NRXN3: variants seen among roughly 807,000 people sequenced by gnomAD.
NRXN3 encodes neurexin 3.
In NRXN3, 32 loss-of-function variants were observed where a neutral mutation model predicts 137.6. The ratio of observed to expected loss-of-function variants is 0.23; its 90% confidence interval spans 0.18 to 0.31. The LOEUF is 0.31. Among genes scored for constraint, NRXN3 ranks in the 10% least tolerant of loss-of-function variants. The probability of loss-of-function intolerance (pLI) is 1.00; values close to 1 mark genes in which losing one functional copy is unlikely to be tolerated. For missense variants in NRXN3, 1,574 were observed against 2,062.5 expected (o/e 0.76, Z 4.59); for synonymous variants, 798 against 784.5 (o/e 1.02, Z -0.29).
intron 3 of NRXN3, among the ~76,000 whole-genome samples, chr14:78,286,330 A>G: frequency 6.6e-6 from 1 of 152,200 alleles, no homozygotes; most frequent in South Asian, 2.1e-4. Flanking sequence ...GCTGCTCAAA[A>G]TGTCATTGAT....
intron 4 of NRXN3, among the ~76,000 whole-genome samples, chr14:78,513,763 G>A (rs2153792326): frequency 6.6e-6 from 1 of 152,172 alleles, no homozygotes; most frequent in African/African-American, 2.4e-5. Flanking sequence ...CAAATACCTG[G>A]TGTTCAGGAT....
intron 15 of NRXN3, among the ~76,000 whole-genome samples, chr14:79,408,956 C>T (rs2095364159): frequency 6.6e-6 from 1 of 151,950 alleles, no homozygotes; most frequent in South Asian, 2.1e-4. Flanking sequence ...TTTAAAAGCA[C>T]TCCTACTGGC....
At chr14:79,535,364 T>G (rs2097202168) in intron 16 of NRXN3, among the ~76,000 whole-genome samples, 1 of 152,204 alleles carries the variant, frequency 6.6e-6, no homozygotes, top group African/African-American at 2.4e-5. Flanking sequence ...AGAATGAGTG[T>G]GTTGTGAGTG....
intron 16 of NRXN3, among the ~76,000 whole-genome samples, chr14:79,542,195 G>T (rs990385580): frequency 6.6e-6 from 1 of 152,192 alleles, no homozygotes; most frequent in African/African-American, 2.4e-5. Flanking sequence ...CTGTGACATT[G>T]CTCATGTGCA....
At chr14:79,187,804 C>T (rs528293551) in intron 15 of NRXN3, among the ~76,000 whole-genome samples, 1 of 152,236 alleles carries the variant, frequency 6.6e-6, no homozygotes, top group Non-Finnish European at 1.5e-5. Flanking sequence ...TTGGATGAGA[C>T]GGAAGATGCT....
In NRXN3 at chr14:79,861,703, C is replaced by A; in HGVS notation, c.4455C>A (p.Ala1485=). 6.2e-7 allele frequency: 1 copy of A among 1,614,082 alleles called. No homozygotes were observed. Among genetic ancestry groups the A allele is most frequent in the Non-Finnish European group, 8.5e-7 (1 of 1,179,988 alleles). ...CGGGAATCAGACGGGTTCCGGGGGC[C>A]TCAGAGGTGATCCGGGAGTCGAGCA... ...TEPGIRRVPG[A]SEVIRESSST... Residue 1485 remains alanine (A), a synonymous_variant, in exon 21 of 21, where the codon GCC becomes GCA. Coordinates refer to ENST00000335750, the MANE Select transcript of NRXN3 (RefSeq NM_001330195.2). The surrounding 1 kb of genome is among the most constrained non-coding windows in gnomAD (Gnocchi z 5.4).
intron 16 of NRXN3, among the ~76,000 whole-genome samples, chr14:79,624,705 T>G (rs1253184380): frequency 6.6e-6 from 1 of 152,058 alleles, no homozygotes. Flanking sequence ...TAACCAACTT[T>G]CTACTCTGTG....
chr14:78,719,834 C>T (rs1275856530), intron 8 of NRXN3, among the ~76,000 whole-genome samples: 1 of 151,688 alleles, frequency 6.6e-6, no homozygotes. Context: ...AGAGTGACTC[C>T]GTCTCAAGAA....
chr14:79,269,265 T>G lies in NRXN3; in HGVS notation c.3263-197956T>G, dbSNP rs759622373. On this transcript the variant is annotated intron_variant, in intron 15 of 20. Transcript: ENST00000335750. ...GGGGTTTCACCATGTTAGCCAGGAT[T>G]GTCTCGATCTCCTGACCTTGTGATC... 1.6e-4 allele frequency among the ~76,000 whole-genome samples: 25 copies of G among 152,154 alleles called. No individual in the cohort carries two copies. The East Asian group carries it at 1.7e-3, about 11-fold the overall frequency.
intron 16 of NRXN3, among the ~76,000 whole-genome samples, chr14:79,619,489 C>T (rs1309912459): frequency 2.0e-5 from 3 of 151,870 alleles, no homozygotes; most frequent in South Asian, 4.1e-4. Context: ...TGCTTGTGAC[C>T]ATGAGATTTT....
intron 15 of NRXN3, among the ~76,000 whole-genome samples, chr14:79,248,215 G>A (rs1486940933): frequency 1.3e-5 from 2 of 152,260 alleles, no homozygotes; most frequent in Middle Eastern, 3.4e-3. Context: ...CAATACAAAT[G>A]TGTTATGATT....
intron 4 of NRXN3, among the ~76,000 whole-genome samples, chr14:78,469,074 T>C (rs539444725): frequency 1.3e-5 from 2 of 152,190 alleles, no homozygotes; most frequent in South Asian, 2.1e-4. Context: ...GGAGAAACCT[T>C]CTCCACCTAG....
At chr14:79,768,425 T>C (rs1282500984) in intron 19 of NRXN3, among the ~76,000 whole-genome samples, 2 of 152,208 alleles carry the variant, frequency 1.3e-5, no homozygotes, top group Admixed American at 6.5e-5. Context: ...GCTGGAGATC[T>C]GAGAACGGGC....
chr14:78,359,733 T>C (rs2084845520), intron 4 of NRXN3, among the ~76,000 whole-genome samples: 1 of 152,174 alleles, frequency 6.6e-6, no homozygotes, highest in African/African-American at 2.4e-5. Flanking sequence ...AAGATAGTTG[T>C]TAACCTTGCT....
chr14:79,256,191 T>TCACA (rs796426390), intron 15 of NRXN3, among the ~76,000 whole-genome samples: 2 of 150,320 alleles, frequency 1.3e-5, no homozygotes, highest in South Asian at 2.1e-4. Flanking sequence ...TCTCTCTCTC[T>TCACA]CACACACACA....
intron 4 of NRXN3, among the ~76,000 whole-genome samples, chr14:78,349,779 CAAAT>C (rs1030897681): frequency 4.6e-5 from 7 of 152,302 alleles, no homozygotes; most frequent in Middle Eastern, 3.4e-3. Context: ...TAGTCATTGT[CAAAT>C]GAATGAATAA....
At chr14:79,526,873 T>A (rs1281576058) in intron 16 of NRXN3, among the ~76,000 whole-genome samples, 2 of 152,134 alleles carry the variant, frequency 1.3e-5, no homozygotes, top group South Asian at 2.1e-4. Flanking sequence ...AAAAGCCTCC[T>A]GGGAGGGTAG....
At chr14:78,882,565 C>G (rs911566326) in intron 10 of NRXN3, among the ~76,000 whole-genome samples, 1 of 151,698 alleles carries the variant, frequency 6.6e-6, no homozygotes, top group African/African-American at 2.4e-5. Flanking sequence ...TTGCATGAGG[C>G]CTGTAGCCTC....
rs190122808 is a variant in NRXN3, at chr14:79,737,298, A to T, written c.4014+39361A>T. On this transcript the variant is annotated intron_variant, in intron 19 of 20. Coordinates refer to ENST00000335750, the MANE Select transcript of NRXN3 (RefSeq NM_001330195.2). ...AACCACTCAGCAGTTAACCAACAAT[A>T]ACTTGGAATGTGTCTAATAAGTGCA... Among the ~76,000 whole-genome samples the T allele has an allele frequency of 6.6e-5, 10 of 152,310 alleles. No individual in the cohort carries two copies. In the East Asian group the frequency reaches 1.4e-3, roughly 21 times the overall value.
Sources: gnomAD v4.1 joint callset for allele counts (sites outside exome capture counted in the v4.1 genomes callset) on GRCh38, gnomAD v4.1.1 for gene constraint, Gnocchi (gnomAD v3.1) non-coding constraint, MANE v1.5 for transcripts, NCBI Gene and HGNC (gene_info 2026-07-23, HGNC 2026-07-21) for gene names.